NTM: variants seen among roughly 807,000 people sequenced by gnomAD.
NTM encodes neurotrimin.
A neutral mutation model predicts 42.1 loss-of-function variants in NTM; 13 were observed. The observed-to-expected ratio is 0.31, with a 90% confidence interval of 0.20 to 0.49. NTM has a LOEUF of 0.49. Ranked by LOEUF, NTM falls within the 20% of genes least tolerant of loss-of-function variation. The pLI, the probability that NTM is intolerant of heterozygous loss-of-function variation, is 0.99. For missense variants in NTM, 373 were observed against 452.8 expected (o/e 0.82, Z 1.60); for synonymous variants, 187 against 179.2 (o/e 1.04, Z -0.35).
At chr11:131,409,649 G>A (rs909919175) in intron 1 of NTM, among the ~76,000 whole-genome samples, 7 of 152,164 alleles carry the variant, frequency 4.6e-5, no homozygotes, top group Non-Finnish European at 1.0e-4. Flanking sequence ...GCAGGGGAGC[G>A]GCATGAGCCA....
At chr11:132,148,241 AGAGTG>A (rs2137372488) in intron 3 of NTM, among the ~76,000 whole-genome samples, 1 of 152,376 alleles carries the variant, frequency 6.6e-6, no homozygotes, top group Admixed American at 6.5e-5. Flanking sequence ...TGTATTACAA[AGAGTG>A]GAGTAGGTAT....
intron 1 of NTM, among the ~76,000 whole-genome samples, chr11:131,747,357 T>C (rs1341525335): frequency 6.6e-6 from 1 of 152,214 alleles, no homozygotes; most frequent in Admixed American, 6.5e-5. Context: ...GAAGCTGTTC[T>C]CTCTTCCAGT....
intron 1 of NTM, among the ~76,000 whole-genome samples, chr11:131,898,780 A>G (rs572875713): frequency 2.0e-5 from 3 of 152,294 alleles, no homozygotes; most frequent in Non-Finnish European, 2.9e-5. Context: ...ATGTTTTTCA[A>G]TCTCTTGGGC....
chr11:131,774,111 C>T (rs2135944299), intron 1 of NTM: 1 of 985,272 alleles, frequency 1.0e-6, no homozygotes, highest in African/African-American at 1.7e-5. Flanking sequence ...ACCAAGCTTA[C>T]AGTACTTAAT....
At chr11:132,054,562 C>T (rs2079325952) in intron 2 of NTM, among the ~76,000 whole-genome samples, 1 of 152,188 alleles carries the variant, frequency 6.6e-6, no homozygotes, top group Non-Finnish European at 1.5e-5. Context: ...TGGATGGAGG[C>T]AGAGTTAGCT....
intron 1 of NTM, among the ~76,000 whole-genome samples, chr11:131,717,901 A>C (rs1179938075): frequency 1.3e-5 from 2 of 152,140 alleles, no homozygotes; most frequent in Non-Finnish European, 2.9e-5. Flanking sequence ...ATTTGCTGAG[A>C]GGTTTATAAA....
At chr11:131,454,765 C>T (rs1358973228) in intron 1 of NTM, among the ~76,000 whole-genome samples, 1 of 144,008 alleles carries the variant, frequency 6.9e-6, no homozygotes, top group Non-Finnish European at 1.6e-5. Flanking sequence ...TGCATTACAT[C>T]CTGATCTGTG....
At chr11:131,705,118 C>T (rs1413505629) in intron 1 of NTM, among the ~76,000 whole-genome samples, 1 of 152,066 alleles carries the variant, frequency 6.6e-6, no homozygotes. Context: ...CATCCAAATC[C>T]ATGATTCCAA....
intron 8 of NTM, among the ~76,000 whole-genome samples, chr11:132,331,646 T>A (rs1380188268): frequency 6.6e-6 from 1 of 152,272 alleles, no homozygotes; most frequent in South Asian, 2.1e-4. Flanking sequence ...AGGAACTTAC[T>A]GCACAGAGGA....
intron 1 of NTM, among the ~76,000 whole-genome samples, chr11:131,550,419 T>C (rs1044717237): frequency 4.6e-5 from 7 of 152,172 alleles, no homozygotes; most frequent in African/African-American, 1.7e-4. Context: ...TGAAAGGTAA[T>C]TGGATCATAG....
At chr11:131,894,494 C>A (rs984396004) in intron 1 of NTM, among the ~76,000 whole-genome samples, 1 of 152,160 alleles carries the variant, frequency 6.6e-6, no homozygotes, top group Non-Finnish European at 1.5e-5. Context: ...CTGCTTGGGG[C>A]CTGACAGACA....
At chr11:131,456,011 G>A (rs1380419403) in intron 1 of NTM, among the ~76,000 whole-genome samples, 1 of 152,340 alleles carries the variant, frequency 6.6e-6, no homozygotes, top group Admixed American at 6.5e-5. Context: ...ATTGGCACTA[G>A]CAAAGTCTTG....
At position 132,286,084 on chromosome 11, in the gene NTM, T is replaced by C. The variant is rs573480411; in HGVS notation, c.527-21605T>C. Among the ~76,000 whole-genome samples the C allele has an allele frequency of 1.1e-3, 172 of 152,338 alleles. 1 individual carries two copies. The highest frequency in any genetic ancestry group is 4.0e-3 in the African/African-American group (167 of 41,576). Reference sequence around the variant, plus strand: ...ACATTTGATCATCAGTACCTTTAGTTTGAGTCTCTGGTTTCTGTGAAATAA... The same window carrying C: ...ACATTTGATCATCAGTACCTTTAGTCTGAGTCTCTGGTTTCTGTGAAATAA... On this transcript the variant is annotated intron_variant, in intron 4 of 8. Transcript: ENST00000683400.
chr11:131,940,328 C>T (rs950251508), intron 2 of NTM, among the ~76,000 whole-genome samples: 1 of 152,198 alleles, frequency 6.6e-6, no homozygotes, highest in Non-Finnish European at 1.5e-5. Flanking sequence ...CAGCTCCTCC[C>T]AGGCCTCTGG....
At position 131,868,013 on chromosome 11, in the gene NTM, T is replaced by G. The variant is rs566412206; in HGVS notation, c.83-43551T>G. ...CAAACACACCCTGGAGTCTTGCTTC[T>G]TCACTACGAAGCCAGTATTGTTTTG... On this transcript the variant is annotated intron_variant, in intron 1 of 8. Transcript: ENST00000683400. Among the ~76,000 whole-genome samples, 6 of 152,262 alleles carry G rather than the reference T, an allele frequency of 3.9e-5. No homozygotes were observed. In the South Asian group the frequency reaches 1.0e-3, roughly 26 times the overall value.
intron 1 of NTM, among the ~76,000 whole-genome samples, chr11:131,672,151 G>C (rs571594973): frequency 6.6e-6 from 1 of 152,326 alleles, no homozygotes; most frequent in African/African-American, 2.4e-5. Flanking sequence ...CTTGGCAGGT[G>C]TGGGAGGAAC....
intron 1 of NTM, among the ~76,000 whole-genome samples, chr11:131,408,780 C>T (rs902724860): frequency 2.6e-5 from 4 of 152,338 alleles, no homozygotes; most frequent in Non-Finnish European, 2.9e-5. Flanking sequence ...GCCCTGCAGA[C>T]ATCACATCGG....
At chr11:131,789,660 G>GAAAGAAGA (rs1429167345) in intron 1 of NTM, among the ~76,000 whole-genome samples, 1 of 134,626 alleles carries the variant, frequency 7.4e-6, no homozygotes, top group Non-Finnish European at 1.6e-5. Context: ...AGAAGAAGAA[G>GAAAGAAGA]AAGAAGAAAG....
At chr11:131,876,301 C>G (rs1231125363) in intron 1 of NTM, among the ~76,000 whole-genome samples, 1 of 152,158 alleles carries the variant, frequency 6.6e-6, no homozygotes, top group Non-Finnish European at 1.5e-5. Context: ...AGGAGAAATC[C>G]TGTCACATAA....
Sources: gnomAD v4.1 joint callset for allele counts (sites outside exome capture counted in the v4.1 genomes callset) on GRCh38, gnomAD v4.1.1 for gene constraint, MANE v1.5 for transcripts, NCBI Gene and HGNC (gene_info 2026-07-23, HGNC 2026-07-21) for gene names.